The following HECA variants were observed in gnomAD, a reference collection of about 807,000 sequenced individuals.
HECA encodes headcase protein homolog.
Under a neutral mutation model 37.6 loss-of-function variants are expected in HECA, and 13 were observed. That is an observed-to-expected ratio of 0.35 (90% CI 0.23 to 0.55). The LOEUF (loss-of-function observed/expected upper bound fraction) is 0.55. Among genes scored for constraint, HECA ranks in the 20% least tolerant of loss-of-function variants. HECA has a pLI of 0.90. For missense variants in HECA, 527 were observed against 701.9 expected (o/e 0.75, Z 2.82); for synonymous variants, 307 against 291.5 (o/e 1.05, Z -0.54).
Position 139,135,549 on chromosome 6 carries a change from G to A in HECA, c.153G>A (p.Gly51=), listed in dbSNP as rs1774421259. The change falls in exon 1 of 4, where the codon GGG becomes GGA. Residue 51 remains glycine (G), a synonymous_variant. Transcript: ENST00000367658. ...GGALAAAAGC[G]AAAAGAPGAG... The stretch of plus-strand genomic sequence containing the variant: ...CCCTGGCGGCGGCGGCCGGTTGCGG[G>A]GCGGCGGCGGCGGGCGCGCCGGGCG... The A allele has an allele frequency of 1.0e-6, 1 of 966,312 alleles. No individual in the cohort carries two copies. Among genetic ancestry groups the A allele is most frequent in the Non-Finnish European group, 1.2e-6 (1 of 816,396 alleles). 59.9% of individuals were successfully genotyped at this position (966,312 alleles called of 1,614,324 possible).
chr6:139,142,506 G>GCTCAGCAA (rs1774527654), intron 1 of HECA, among the ~76,000 whole-genome samples: 1 of 152,152 alleles, frequency 6.6e-6, no homozygotes, highest in African/African-American at 2.4e-5. Context: ...TTAAAGGCAT[G>GCTCAGCAA]CTGGAGAATT....
intron 1 of HECA, among the ~76,000 whole-genome samples, chr6:139,158,707 G>A (rs368309415): frequency 1.3e-5 from 2 of 151,502 alleles, no homozygotes; most frequent in Non-Finnish European, 2.9e-5. Context: ...GTGTTTAGGT[G>A]CCAAGCACTG....
Position 139,174,473 on chromosome 6 carries a change from T to C in HECA, c.1401T>C (p.Asp467=), listed in dbSNP as rs1384956429. The part of the protein sequence containing the change: ...IICIKCKSRW[D]GSWHQLGTMY... The stretch of plus-strand genomic sequence containing the variant: ...GCATCAAGTGTAAGTCACGGTGGGA[T>C]GGCAGCTGGCACCAGCTGGGCACTA... Residue 467 remains aspartate, a synonymous_variant, in exon 3 of 4, where the codon GAT becomes GAC. Coordinates refer to ENST00000367658, the MANE Select transcript of HECA (RefSeq NM_016217.3). 1 of 1,613,680 alleles carries C rather than the reference T, an allele frequency of 6.2e-7. No individual in the cohort carries two copies. The highest frequency in any genetic ancestry group is 1.7e-5 in the Admixed American group (1 of 59,974).
At chr6:139,164,753 T>TTG (rs1330889662) in intron 1 of HECA, among the ~76,000 whole-genome samples, 3 of 152,062 alleles carry the variant, frequency 2.0e-5, no homozygotes, top group African/African-American at 7.3e-5. Flanking sequence ...TGAAGCACCC[T>TTG]TGTCATCCCA....
rs772616574 is a variant in HECA, at chr6:139,179,948, T to G, written c.*2843T>G. On this transcript the variant is annotated 3_prime_UTR_variant, in exon 4 of 4. Transcript: ENST00000367658. ...TATTTATTTTTAAGAGTTTTATACC[T>G]TGAGCAGATACAATGATCTGCTTTA... is the stretch of plus-strand genomic sequence containing the variant. 1 of 152,218 alleles carries G rather than the reference T, an allele frequency of 6.6e-6. No individual in the cohort carries two copies. Among genetic ancestry groups the G allele is most frequent in the Non-Finnish European group, 1.5e-5 (1 of 68,038 alleles). 9.4% of individuals were successfully genotyped at this position (152,218 alleles called of 1,614,324 possible). A position where few individuals can be genotyped will look rare whatever the true frequency, so the allele number is the denominator to read the frequency against.
At chr6:139,165,223 T>C (rs557005684) in intron 1 of HECA, among the ~76,000 whole-genome samples, 2 of 152,374 alleles carry the variant, frequency 1.3e-5, no homozygotes, top group African/African-American at 4.8e-5. Flanking sequence ...CCAGGACTTA[T>C]ACATACATGT....
chr6:139,175,441 A>G (rs907499359), intron 3 of HECA, among the ~76,000 whole-genome samples: 12 of 152,174 alleles, frequency 7.9e-5, no homozygotes, highest in Non-Finnish European at 1.6e-4. Flanking sequence ...ATCAGTAGTT[A>G]TTCACTGTGG....
At chr6:139,173,397 C>T (rs901278217) in intron 2 of HECA, among the ~76,000 whole-genome samples, 1 of 152,162 alleles carries the variant, frequency 6.6e-6, no homozygotes, top group Non-Finnish European at 1.5e-5. Context: ...CAAGTAAATG[C>T]AAACGAAGGG....
At chr6:139,152,982 C>A (rs1774670076) in intron 1 of HECA, 1 of 152,170 alleles carries the variant, frequency 6.6e-6, no homozygotes, top group Non-Finnish European at 1.5e-5. Context: ...ACTCCTGTGT[C>A]TTACCTAATT....
At chr6:139,155,937 T>G (rs1050613048) in intron 1 of HECA, among the ~76,000 whole-genome samples, 1 of 152,202 alleles carries the variant, frequency 6.6e-6, no homozygotes, top group Non-Finnish European at 1.5e-5. Flanking sequence ...TGAAGCCATT[T>G]CATATTTTCA....
rs985837480 is a variant in HECA at position 139,176,121 on chromosome 6, T to C, written c.1468-820T>C. 6.6e-6 allele frequency among the ~76,000 whole-genome samples: 1 copy of C among 152,192 alleles called. No individual in the cohort carries two copies. The highest frequency in any genetic ancestry group is 1.5e-5 in the Non-Finnish European group (1 of 68,038). ...GAGAGATTACGTAGTTAAAAGAGTG[T>C]TTATCTCAGGTTACAGAAAAGTAGT... On this transcript the variant is annotated intron_variant, in intron 3 of 3. Transcript: ENST00000367658. This position sits in a 1 kb window ranked among gnomAD's most constrained non-coding sequence, Gnocchi z 4.5.
At chr6:139,175,034 T>C (rs1775031956) in intron 3 of HECA, among the ~76,000 whole-genome samples, 1 of 152,224 alleles carries the variant, frequency 6.6e-6, no homozygotes, top group Admixed American at 6.5e-5. Flanking sequence ...AGTACAGTTA[T>C]CCAGGAATTG....
At chr6:139,141,386 C>T (rs955754400) in intron 1 of HECA, among the ~76,000 whole-genome samples, 6 of 152,144 alleles carry the variant, frequency 3.9e-5, no homozygotes, top group Admixed American at 3.9e-4. Flanking sequence ...TTTAGCAGAG[C>T]AGTAAATATA....
chr6:139,172,518 T>C (rs536443681), intron 2 of HECA, among the ~76,000 whole-genome samples: 1 of 152,366 alleles, frequency 6.6e-6, no homozygotes, highest in East Asian at 1.9e-4. Flanking sequence ...ATTGATCTAA[T>C]TAAGAAGTTC....
intron 1 of HECA, among the ~76,000 whole-genome samples, chr6:139,161,739 C>G (rs563245552): frequency 2.0e-5 from 3 of 152,226 alleles, no homozygotes; most frequent in African/African-American, 7.2e-5. Flanking sequence ...TTCCTTTGAC[C>G]TAATTTGATT....
chr6:139,164,876 ACT>A (rs1774861569), intron 1 of HECA, among the ~76,000 whole-genome samples: 1 of 148,468 alleles, frequency 6.7e-6, no homozygotes, highest in African/African-American at 2.5e-5. Context: ...GCACTATGAG[ACT>A]CTCAGTCTCC....
At chr6:139,164,096 T>TCTCC (rs968693749) in intron 1 of HECA, among the ~76,000 whole-genome samples, 1 of 151,576 alleles carries the variant, frequency 6.6e-6, no homozygotes, top group African/African-American at 2.4e-5. Flanking sequence ...TCTCTCTCTC[T>TCTCC]CTCTGAGCAT....
chr6:139,143,649 T>C (rs932538925), intron 1 of HECA, among the ~76,000 whole-genome samples: 1 of 151,616 alleles, frequency 6.6e-6, no homozygotes, highest in African/African-American at 2.4e-5. Flanking sequence ...GATCACAAGG[T>C]CAGGAGATCG....
chr6:139,144,977 G>A (rs984196666), intron 1 of HECA, among the ~76,000 whole-genome samples: 2 of 152,194 alleles, frequency 1.3e-5, no homozygotes, highest in Non-Finnish European at 2.9e-5. Flanking sequence ...GACCATTTGA[G>A]CAAGTAAGAT....
Sources: gnomAD v4.1 joint callset for allele counts (sites outside exome capture counted in the v4.1 genomes callset) on GRCh38, gnomAD v4.1.1 for gene constraint, Gnocchi (gnomAD v3.1) non-coding constraint, MANE v1.5 for transcripts, NCBI Gene and HGNC (gene_info 2026-07-23, HGNC 2026-07-21) for gene names.